The following RAB3IP variants were observed in gnomAD, a reference collection of about 807,000 sequenced individuals.
RAB3IP encodes RAB3A interacting protein, also known as rab-3A-interacting protein.
RAB3IP carries 36 observed loss-of-function variants against 59.1 expected under a neutral mutation model. The ratio of observed to expected loss-of-function variants is 0.61; its 90% CI spans 0.47 to 0.80. The LOEUF is 0.80. Among genes scored for constraint, RAB3IP ranks in the 30% least tolerant of loss-of-function variants. The probability of loss-of-function intolerance (pLI) is 0.00; values close to 1 mark genes in which losing one functional copy is unlikely to be tolerated. For missense variants in RAB3IP, 511 were observed against 536.0 expected, an observed-to-expected ratio of 0.95 and a Z score of 0.46; for synonymous variants, 207 against 191.2, an observed-to-expected ratio of 1.08 and a Z score of -0.68.
chr12:69,768,915 G>A (rs1433036930), intron 3 of RAB3IP, among the ~76,000 whole-genome samples: 2 of 152,116 alleles, frequency 1.3e-5, no homozygotes, highest in African/African-American at 4.8e-5. Flanking sequence ...ATAGGGTTTG[G>A]CTGTGTCCCC....
chr12:69,821,467 GATTA>G lies in RAB3IP; in HGVS notation c.*6024_*6027del, dbSNP rs1292261090. The G allele has an allele frequency of 1.3e-5, 2 of 152,170 alleles. No homozygotes were observed. Among genetic ancestry groups the G allele is most frequent in the African/African-American group, 2.4e-5 (1 of 41,442 alleles). 9.4% of individuals were successfully genotyped at this position (152,170 alleles called of 1,614,324 possible). The stretch of plus-strand genomic sequence containing the variant: ...CTCTCAGTGGAGTGCTCTGGATTCT[GATTA>G]ATAGAGATTTTCTAGTCCTCCCAGC... On this transcript the variant is annotated 3_prime_UTR_variant, in exon 11 of 11. Transcript: ENST00000247833.
Position 69,818,313 on chromosome 12 carries a change from G to C in RAB3IP, c.*2867G>C, listed in dbSNP as rs1425943231. 3.3e-5 allele frequency: 5 copies of C among 152,212 alleles called. No individual in the cohort carries two copies. Among genetic ancestry groups the C allele is most frequent in the Admixed American group, 3.3e-4 (5 of 15,272 alleles). The allele number at this position is 152,212 out of a possible 1,614,324, so 9.4% of individuals were successfully genotyped here. ...GATTTTTTTGAATTAGCTGGGCATG[G>C]TGGTGCATGCCTGTGGTCCCAGCTA... On this transcript the variant is annotated 3_prime_UTR_variant, in exon 11 of 11. Transcript: ENST00000247833.
In RAB3IP at chr12:69,755,595, CT is replaced by C; in HGVS notation, c.189del (p.Pro64LeufsTer12). The part of the protein sequence containing the change: ...IQANALDVSE[L>X]PTQPVYSSPR... Reference sequence around the variant, plus strand: ...GGCAAATGCATTAGATGTTTCTGAACTTCCTACACAACCCGTGTATTCATCC... The same window carrying C: ...GGCAAATGCATTAGATGTTTCTGAACTCCTACACAACCCGTGTATTCATCC... On this transcript the variant is annotated frameshift_variant, in exon 2 of 11. Transcript: ENST00000247833. LOFTEE classifies it high-confidence loss of function. 6.2e-7 allele frequency: 1 copy of C among 1,614,064 alleles called. No individual in the cohort carries two copies. Among genetic ancestry groups the C allele is most frequent in the Non-Finnish European group, 8.5e-7 (1 of 1,179,974 alleles).
chr12:69,752,027 A>G (rs1372255252), intron 1 of RAB3IP, among the ~76,000 whole-genome samples: 2 of 126,698 alleles, frequency 1.6e-5, no homozygotes, highest in East Asian at 4.5e-4. Flanking sequence ...TTTTCAGGAT[A>G]GGGTCTCGTT....
At chr12:69,739,597 C>T (rs1016016865) in intron 1 of RAB3IP, 1 of 582,964 alleles carries the variant, frequency 1.7e-6, no homozygotes, top group Non-Finnish European at 3.1e-6. Flanking sequence ...TAGAGGTCAC[C>T]CTCGGGAGGT....
At chr12:69,790,426 G>T (rs1037115283) in intron 4 of RAB3IP, among the ~76,000 whole-genome samples, 12 of 152,272 alleles carry the variant, frequency 7.9e-5, no homozygotes, top group African/African-American at 2.6e-4. Context: ...CAGATGGAAA[G>T]AGATTTGTGT....
chr12:69,804,607 T>C (rs1222799035), intron 8 of RAB3IP, among the ~76,000 whole-genome samples: 1 of 152,246 alleles, frequency 6.6e-6, no homozygotes, highest in Non-Finnish European at 1.5e-5. Context: ...TAGGTTTTCT[T>C]CTAGGGTTTT....
At chr12:69,752,236 C>G (rs567588517) in intron 1 of RAB3IP, among the ~76,000 whole-genome samples, 34 of 151,422 alleles carry the variant, frequency 2.2e-4, no homozygotes, top group African/African-American at 7.7e-4. Flanking sequence ...AACTCTTGGC[C>G]ACAATTGTCC....
chr12:69,810,059 C>T (rs925404354), intron 8 of RAB3IP, among the ~76,000 whole-genome samples: 19 of 152,230 alleles, frequency 1.2e-4, no homozygotes, highest in African/African-American at 4.3e-4. Flanking sequence ...ATGATGGTGA[C>T]GTACAGATGG....
At chr12:69,811,418 T>C (rs79111679) in intron 8 of RAB3IP, among the ~76,000 whole-genome samples, 1,927 of 152,342 alleles carry the variant, frequency 0.013, 44 homozygotes, top group African/African-American at 0.043. Context: ...GAAACACTTA[T>C]TATTTTAAAA....
At chr12:69,786,401 CTGTT>C (rs1319341507) in intron 4 of RAB3IP, among the ~76,000 whole-genome samples, 1 of 151,996 alleles carries the variant, frequency 6.6e-6, no homozygotes, top group East Asian at 1.9e-4. Context: ...TAAAATTAAT[CTGTT>C]TATTTATTTA....
intron 3 of RAB3IP, among the ~76,000 whole-genome samples, chr12:69,761,357 G>T (rs558583565): frequency 6.6e-6 from 1 of 151,904 alleles, no homozygotes. Flanking sequence ...GCAGATCTGG[G>T]GTGCACATTT....
At chr12:69,743,392 C>T (rs1887533187) in intron 1 of RAB3IP, among the ~76,000 whole-genome samples, 1 of 152,146 alleles carries the variant, frequency 6.6e-6, no homozygotes, top group Non-Finnish European at 1.5e-5. Flanking sequence ...CCTTTCTTTC[C>T]TTTTACCTAA....
At chr12:69,759,753 C>T (rs1400325916) in intron 3 of RAB3IP, among the ~76,000 whole-genome samples, 9 of 151,154 alleles carry the variant, frequency 6.0e-5, no homozygotes, top group Non-Finnish European at 1.0e-4. Context: ...GGCTGACCCC[C>T]CACCTCCCTC....
Position 69,784,757 on chromosome 12 carries a change from C to G in RAB3IP, c.548C>G (p.Ser183Ter), listed in dbSNP as rs1304965924. The G allele has an allele frequency of 2.5e-6, 4 of 1,608,992 alleles. No homozygotes were observed. Among genetic ancestry groups the G allele is most frequent in the Non-Finnish European group, 3.4e-6 (4 of 1,177,156 alleles). Residue 183 changes from serine to a stop codon, truncating the protein, a stop_gained, in exon 4 of 11, where the codon TCA becomes TGA. Transcript: ENST00000247833. LOFTEE classifies it high-confidence loss of function. ...AAAGATGAAGAATGTGAGAGGCTTTCAAAAGTGCGAGATCAACTTGGACAG... is the reference window on the plus strand; with the variant it reads ...AAAGATGAAGAATGTGAGAGGCTTTGAAAAGTGCGAGATCAACTTGGACAG... ...KLKDEECERL[S>*]KVRDQLGQEL...
At chr12:69,760,391 C>G (rs1051815005) in intron 3 of RAB3IP, among the ~76,000 whole-genome samples, 1 of 151,398 alleles carries the variant, frequency 6.6e-6, no homozygotes, top group African/African-American at 2.4e-5. Flanking sequence ...CGAGGGAGAC[C>G]GTGGGGAGAG....
chr12:69,766,138 C>T lies in RAB3IP; in HGVS notation c.510+9475C>T, dbSNP rs754126176. Among the ~76,000 whole-genome samples, 114 of 152,244 alleles carry T rather than the reference C, an allele frequency of 7.5e-4. No homozygotes were observed. The Middle Eastern group carries it at 0.014, about 18-fold the overall frequency. On this transcript the variant is annotated intron_variant, in intron 3 of 10. Transcript: ENST00000247833. Reference sequence around the variant, plus strand: ...ACAGTCTGGTGACTATGTCCTGTGACGATCTTCATTTTGGATAGTATCTTG... The same window carrying T: ...ACAGTCTGGTGACTATGTCCTGTGATGATCTTCATTTTGGATAGTATCTTG...
At position 69,801,716 on chromosome 12, in the gene RAB3IP, AC is replaced by A; in HGVS notation, c.1127del (p.Pro376GlnfsTer19). ...AAGCTTCTGCAGTTGAATGCGGAGG[AC>A]CAAAGTAGGTTTTTACGTGCATGAA... Reference protein sequence around the residue: ...VKASAVECGGPKKCALTGQSK... With the variant: ...VKASAVECGGXKKCALTGQSK... On this transcript the variant is annotated frameshift_variant, in exon 8 of 11. Coordinates refer to ENST00000247833, the MANE Select transcript of RAB3IP (RefSeq NM_022456.5). LOFTEE classifies it high-confidence loss of function. 1 of 1,604,408 alleles carries A rather than the reference AC, an allele frequency of 6.2e-7. No individual in the cohort carries two copies. The highest frequency in any genetic ancestry group is 8.5e-7 in the Non-Finnish European group (1 of 1,171,680).
intron 1 of RAB3IP, among the ~76,000 whole-genome samples, chr12:69,747,796 C>G (rs78628854): frequency 0.037 from 5,670 of 152,204 alleles, 155 homozygotes; most frequent in Non-Finnish European, 0.058. Flanking sequence ...ATTATTTGAT[C>G]CAATTCTACA....
Sources: gnomAD v4.1 joint callset for allele counts (sites outside exome capture counted in the v4.1 genomes callset) on GRCh38, gnomAD v4.1.1 for gene constraint, MANE v1.5 for transcripts, NCBI Gene and HGNC (gene_info 2026-07-23, HGNC 2026-07-21) for gene names.